ARHGEF12: variants seen among roughly 807,000 people sequenced by gnomAD.
ARHGEF12 encodes the protein KMT2A/ARHGEF12 fusion protein.
ARHGEF12 carries 66 observed loss-of-function variants against 211.2 expected under a neutral mutation model. The ratio of observed to expected loss-of-function variants is 0.31; its 90% CI spans 0.26 to 0.38. ARHGEF12 has a LOEUF of 0.38. ARHGEF12 is among the 10% of genes least tolerant of loss of function. The probability of loss-of-function intolerance (pLI) is 1.00; values close to 1 mark genes in which losing one functional copy is unlikely to be tolerated. For missense variants in ARHGEF12, 1,429 were observed against 1,869.5 expected, an observed-to-expected ratio of 0.76 and a Z score of 4.34; for synonymous variants, 592 against 638.4, an observed-to-expected ratio of 0.93 and a Z score of 1.09.
intron 36 of ARHGEF12, 51 bp downstream of exon 36, chr11:120,477,577 A>G (rs753578332): frequency 6.4e-7 from 1 of 1,550,832 alleles, no homozygotes; most frequent in East Asian, 2.2e-5. Context: ...TATCTGTTAA[A>G]ATGCTGGCCG....
chr11:120,438,330 A>G (rs1945757903), intron 12 of ARHGEF12: 1 of 151,980 alleles, frequency 6.6e-6, no homozygotes, highest in African/African-American at 2.4e-5. Context: ...TTTTTTAAAG[A>G]GGGAGTTTCG....
chr11:120,484,288 A>G (rs988738905), intron 39 of ARHGEF12, 150 bp from the exon 40 acceptor site: 3 of 622,484 alleles, frequency 4.8e-6, no homozygotes, highest in East Asian at 2.8e-5. Context: ...TCTTCCCACT[A>G]ATGAAATTTT....
At chr11:120,474,750 T>C (rs1946979478) in intron 32 of ARHGEF12, 115 bp downstream of exon 32, 2 of 680,508 alleles carry the variant, frequency 2.9e-6, no homozygotes, top group Non-Finnish European at 5.0e-6. Flanking sequence ...TTTGCAGTGC[T>C]ACCTCGTGTT....
intron 1 of ARHGEF12, among the ~76,000 whole-genome samples, chr11:120,340,265 A>G (rs976177172): frequency 6.6e-6 from 1 of 152,234 alleles, no homozygotes; most frequent in Non-Finnish European, 1.5e-5. Context: ...ACAGGAGAGA[A>G]TGCCCTTTTA....
intron 1 of ARHGEF12, among the ~76,000 whole-genome samples, chr11:120,369,853 G>A (rs918817072): frequency 6.6e-6 from 1 of 152,094 alleles, no homozygotes; most frequent in African/African-American, 2.4e-5. Context: ...TCTTTTTGGG[G>A]GACGAGGCAA....
intron 10 of ARHGEF12, among the ~76,000 whole-genome samples, chr11:120,430,168 G>A (rs1337558526): frequency 6.6e-6 from 1 of 151,628 alleles, no homozygotes. Context: ...AAACAGAATG[G>A]CAGTTGATAT....
chr11:120,485,455 A>G lies in ARHGEF12; in HGVS notation c.*378A>G, dbSNP rs1027856095. On this transcript the variant is annotated 3_prime_UTR_variant, in exon 41 of 41. Transcript: ENST00000397843. Reference sequence around the variant, plus strand: ...ATTCCGTATTTGAAAGCACATTTTAATTTTTATTTGCCTTGTTTTGTTTTA... The same window carrying G: ...ATTCCGTATTTGAAAGCACATTTTAGTTTTTATTTGCCTTGTTTTGTTTTA... The G allele has an allele frequency of 7.2e-5, 18 of 250,512 alleles. No individual in the cohort carries two copies. The highest frequency in any genetic ancestry group is 3.7e-4 in the African/African-American group (17 of 46,004). The allele number at this position is 250,512 out of a possible 1,614,324, so 15.5% of individuals were successfully genotyped here.
chr11:120,418,310 A>T (rs1482296237), intron 4 of ARHGEF12, among the ~76,000 whole-genome samples: 1 of 152,114 alleles, frequency 6.6e-6, no homozygotes, highest in African/African-American at 2.4e-5. Context: ...TGTTGGAGTC[A>T]TGTAGTGTTT....
rs115865674 is a variant in ARHGEF12 at position 120,466,758 on chromosome 11, G to A, written c.2740-436G>A. Among the ~76,000 whole-genome samples the A allele has an allele frequency of 2.7e-3, 415 of 152,268 alleles. 1 individual carries two copies. Among genetic ancestry groups the A allele is most frequent in the African/African-American group, 9.3e-3 (386 of 41,552 alleles). ...TATCTGGCATTTTACTAAAAACTTT[G>A]CAGACCACTGGTATAGATGAGCTGG... On this transcript the variant is annotated intron_variant, in intron 28 of 40. Coordinates refer to ENST00000397843, the MANE Select transcript of ARHGEF12 (RefSeq NM_015313.3).
In ARHGEF12 at chr11:120,407,799, G is replaced by A. The variant is rs768850488; in HGVS notation, c.118G>A (p.Ala40Thr). The A allele has an allele frequency of 4.3e-6, 7 of 1,613,460 alleles. No homozygotes were observed. The South Asian group carries it at 7.7e-5, about 18-fold the overall frequency. ...TAAGAAGCAGAAAGTTGAGCGCATT[G>A]CATCACATGATTTTGACCCCACAGG... ...TDKKQKVERI[A>T]SHDFDPTDSS... Residue 40 changes from alanine to threonine, a missense_variant, in exon 3 of 41, where the codon GCA (alanine) becomes ACA (threonine). Around this residue, in one of 7 missense-constraint regions of ARHGEF12, gnomAD observed 41 missense variants for 48.6 expected, o/e 0.84. Coordinates refer to ENST00000397843, the MANE Select transcript of ARHGEF12 (RefSeq NM_015313.3).
chr11:120,346,366 T>C (rs1186729322), intron 1 of ARHGEF12, among the ~76,000 whole-genome samples: 2 of 152,362 alleles, frequency 1.3e-5, no homozygotes, highest in East Asian at 3.9e-4. Flanking sequence ...ATCCCCTGTC[T>C]GGGCTGTGCC....
At chr11:120,342,273 C>G (rs1200418997) in intron 1 of ARHGEF12, among the ~76,000 whole-genome samples, 1 of 152,164 alleles carries the variant, frequency 6.6e-6, no homozygotes, top group Non-Finnish European at 1.5e-5. Context: ...TTAAATATCT[C>G]TTGAGGATAA....
At chr11:120,423,292 T>G (rs1945251032) in intron 6 of ARHGEF12, among the ~76,000 whole-genome samples, 1 of 152,128 alleles carries the variant, frequency 6.6e-6, no homozygotes, top group South Asian at 2.1e-4. Context: ...TTCTCATGAG[T>G]TCGTTGTGAG....
chr11:120,346,551 G>T lies in ARHGEF12; in HGVS notation c.32+9276G>T, dbSNP rs145043031. Among the ~76,000 whole-genome samples, 97 of 152,346 alleles carry T rather than the reference G, an allele frequency of 6.4e-4. 2 individuals are homozygous for T. The East Asian group carries it at 0.014, about 23-fold the overall frequency. ...AGGATGTATAGTCCTTCCACAGGTG[G>T]CATTGCAAGTTGCATGATAACAGAT... On this transcript the variant is annotated intron_variant, in intron 1 of 40. Transcript: ENST00000397843.
chr11:120,445,986 G>A (rs1383299786), intron 16 of ARHGEF12, among the ~76,000 whole-genome samples: 1 of 152,002 alleles, frequency 6.6e-6, no homozygotes, highest in Non-Finnish European at 1.5e-5. Context: ...TGGATCACGA[G>A]GTCAGGAGAT....
intron 8 of ARHGEF12, among the ~76,000 whole-genome samples, chr11:120,428,863 G>C (rs1190589298): frequency 6.6e-6 from 1 of 152,148 alleles, no homozygotes; most frequent in Non-Finnish European, 1.5e-5. Context: ...AGATGAACTT[G>C]AAAATAGTAG....
intron 4 of ARHGEF12, among the ~76,000 whole-genome samples, chr11:120,417,211 C>T (rs1945057609): frequency 6.6e-6 from 1 of 152,004 alleles, no homozygotes; most frequent in Non-Finnish European, 1.5e-5. Context: ...TCTCTGCAGG[C>T]ATCTGAAAAA....
chr11:120,391,205 C>G (rs764456616), intron 1 of ARHGEF12, among the ~76,000 whole-genome samples: 43 of 152,150 alleles, frequency 2.8e-4, no homozygotes, highest in Non-Finnish European at 4.4e-4. Context: ...TGTTCCTTAC[C>G]TCTATAATGT....
intron 4 of ARHGEF12, among the ~76,000 whole-genome samples, chr11:120,416,050 G>T (rs1023926316): frequency 3.3e-5 from 5 of 152,158 alleles, no homozygotes; most frequent in African/African-American, 1.2e-4. Context: ...AAGGTTATCA[G>T]ACTGAGACTG....
Sources: allele counts gnomAD v4.1 joint callset (sites outside exome capture counted in the v4.1 genomes callset), GRCh38; gene constraint gnomAD v4.1.1; regional missense constraint gnomAD v4.1.1; transcripts MANE v1.5; gene names NCBI Gene and HGNC (gene_info 2026-07-23, HGNC 2026-07-21).